The following FAM131B variants were observed in gnomAD, a reference collection of about 807,000 sequenced individuals.
FAM131B encodes family with sequence similarity 131 member B.
A neutral mutation model predicts 42.0 loss-of-function variants in FAM131B; 19 were observed. That is an observed-to-expected ratio of 0.45 (90% CI 0.32 to 0.66). FAM131B has a LOEUF of 0.66. Ranked by LOEUF, FAM131B falls within the 30% of genes least tolerant of loss-of-function variation. FAM131B has a pLI of 0.05. For missense variants in FAM131B, 370 were observed against 468.4 expected, an observed-to-expected ratio of 0.79 and a Z score of 1.94; for synonymous variants, 183 against 177.6, an observed-to-expected ratio of 1.03 and a Z score of -0.24.
At chr7:143,375,605 G>A in the FAM131B span, among the ~76,000 whole-genome samples, 1 of 152,150 alleles carries the variant, frequency 6.6e-6, no homozygotes, top group Non-Finnish European at 1.5e-5. Flanking sequence ...TCAGCCTAGT[G>A]GGTTTCTTTA....
upstream of FAM131B, chr7:143,362,765 T>TCGC (rs559900593): frequency 0.012 from 2,786 of 237,812 alleles, 33 homozygotes; most frequent in Admixed American, 0.017. This position sits in a 1 kb window ranked among gnomAD's most constrained non-coding sequence, Gnocchi z 7.7. Context: ...GGCAGCTCCG[T>TCGC]CGCCGCCGCC....
At chr7:143,370,349 G>A in the FAM131B span, among the ~76,000 whole-genome samples, 5 of 152,228 alleles carry the variant, frequency 3.3e-5, no homozygotes, top group South Asian at 6.2e-4. Flanking sequence ...CAGCTCACAC[G>A]GGGGGCTCCC....
the FAM131B span, chr7:143,381,631 C>T: frequency 6.2e-7 from 1 of 1,612,348 alleles, no homozygotes; most frequent in Non-Finnish European, 8.5e-7. Flanking sequence ...CGGCTTTTTA[C>T]GCCCCGCAGA....
At position 143,356,690 on chromosome 7, in the gene FAM131B, C is replaced by T. The variant is rs775178965; in HGVS notation, c.943G>A (p.Asp315Asn). Residue 315 changes from aspartate (D) to asparagine (N), a missense_variant, in exon 7 of 7, where the codon GAT (aspartate) becomes AAT (asparagine). Coordinates refer to ENST00000443739, the MANE Select transcript of FAM131B (RefSeq NM_001031690.3). The surrounding 1 kb of genome is among the most constrained non-coding windows in gnomAD (Gnocchi z 4.4). ...GACTCCAGGTCCCGGCATCCCGCAT[C>T]CTCTTCCTCCTCAGGTGCCAATGGC... ...KRPLAPEEEE[D>N]AGCRDLESLS... The T allele has an allele frequency of 1.2e-6, 2 of 1,614,158 alleles. No individual in the cohort carries two copies. Among genetic ancestry groups the T allele is most frequent in the Admixed American group, 3.3e-5 (2 of 60,020 alleles).
At chr7:143,369,559 T>C in the FAM131B span, among the ~76,000 whole-genome samples, 3 of 151,260 alleles carry the variant, frequency 2.0e-5, no homozygotes, top group Admixed American at 2.0e-4. Flanking sequence ...CCTGTAGTCC[T>C]AGCTACTCGG....
At chr7:143,365,326 C>T (rs572435402), upstream of FAM131B, among the ~76,000 whole-genome samples, 83 of 152,208 alleles carry the variant, frequency 5.5e-4, 1 homozygote, top group South Asian at 6.2e-4. Context: ...TCCCATCTGA[C>T]GGCATCTACT....
intron 1 of FAM131B, chr7:143,360,385 T>C (rs1803903893): frequency 2.9e-6 from 4 of 1,384,372 alleles, no homozygotes; most frequent in East Asian, 2.8e-5. Context: ...TTTGTTGTTG[T>C]TTATGTGGAG....
Position 143,358,809 on chromosome 7 carries a change from G to A in FAM131B, c.466+18C>T, listed in dbSNP as rs1563096012. 8.7e-6 allele frequency: 14 copies of A among 1,610,862 alleles called. No homozygotes were observed. Among genetic ancestry groups the A allele is most frequent in the Non-Finnish European group, 1.1e-5 (13 of 1,178,030 alleles). Reference sequence around the variant, plus strand: ...CCATCCTGCAAATGTGTCTCTTGAGGCTTTAGGGTACCTGTACCTGCTAGA... The same window carrying A: ...CCATCCTGCAAATGTGTCTCTTGAGACTTTAGGGTACCTGTACCTGCTAGA... On this transcript the variant is annotated intron_variant, in intron 5 of 6. Transcript: ENST00000443739. The surrounding 1 kb of genome is among the most constrained non-coding windows in gnomAD (Gnocchi z 4.7).
chr7:143,357,480 G>C, intron 5 of FAM131B, 57 bp from the exon 6 acceptor site: 1 of 1,528,716 alleles, frequency 6.5e-7, no homozygotes. Context: ...AGACATGTGC[G>C]TGGGGTAGGA....
chr7:143,359,194 C>T lies in FAM131B; in HGVS notation c.268+132G>A. 1 of 1,022,196 alleles carries T rather than the reference C, an allele frequency of 9.8e-7. No individual in the cohort carries two copies. Among genetic ancestry groups the T allele is most frequent in the Non-Finnish European group, 1.5e-6 (1 of 680,106 alleles). 63.3% of individuals were successfully genotyped at this position (1,022,196 alleles called of 1,614,324 possible). A position where few individuals can be genotyped will look rare whatever the true frequency, so the allele number is the denominator to read the frequency against. On this transcript the variant is annotated intron_variant, in intron 4 of 6. Transcript: ENST00000443739. The surrounding 1 kb of genome is among the most constrained non-coding windows in gnomAD (Gnocchi z 5.4). ...AGGGAATGGCCTGGAGGATGGGAGG[C>T]TTGACAGAAGGGTGAATAGGTCAGG...
rs983338269 is a variant in FAM131B, at chr7:143,353,531, A to G, written c.*3019T>C. 6.6e-6 allele frequency: 1 copy of G among 152,410 alleles called. No individual in the cohort carries two copies. Among genetic ancestry groups the G allele is most frequent in the Non-Finnish European group, 1.5e-5 (1 of 68,044 alleles). The allele number at this position is 152,410 out of a possible 1,614,324, so 9.4% of individuals were successfully genotyped here. A position where few individuals can be genotyped will look rare whatever the true frequency, so the allele number is the denominator to read the frequency against. ...GGACTGGCAGTGGGCATTTGAGCCC[A>G]TGCCCTTGTGTACATAATCTCTAAT... On this transcript the variant is annotated 3_prime_UTR_variant, in exon 7 of 7. Transcript: ENST00000443739.
chr7:143,357,241 T>C, intron 6 of FAM131B, 39 bp downstream of exon 6: 1 of 1,606,794 alleles, frequency 6.2e-7, no homozygotes, highest in Non-Finnish European at 8.5e-7. Flanking sequence ...TGGGGAGGCC[T>C]CATAGGCTCC....
At chr7:143,381,316 C>G in the FAM131B span, 1 of 1,120,808 alleles carries the variant, frequency 8.9e-7, no homozygotes, top group Non-Finnish European at 1.1e-6. Context: ...TCCCTCCCCG[C>G]CCGGCTGGAG....
chr7:143,354,433 G>C lies in FAM131B; in HGVS notation c.*2117C>G, dbSNP rs1803564494. 6.6e-6 allele frequency: 1 copy of C among 152,340 alleles called. No homozygotes were observed. Among genetic ancestry groups the C allele is most frequent in the African/African-American group, 2.4e-5 (1 of 41,428 alleles). The allele number at this position is 152,340 out of a possible 1,614,324, so 9.4% of individuals were successfully genotyped here. On this transcript the variant is annotated 3_prime_UTR_variant, in exon 7 of 7. Coordinates refer to ENST00000443739, the MANE Select transcript of FAM131B (RefSeq NM_001031690.3). Reference sequence around the variant, plus strand: ...GGTCTGGGGGTATGATATGGGCACTGAGAGGATGAGACGACAGGAAGAGGT... The same window carrying C: ...GGTCTGGGGGTATGATATGGGCACTCAGAGGATGAGACGACAGGAAGAGGT...
intron 5 of FAM131B, among the ~76,000 whole-genome samples, chr7:143,357,694 C>T (rs1051767361): frequency 2.0e-5 from 3 of 152,120 alleles, no homozygotes; most frequent in African/African-American, 7.2e-5. Context: ...ATTTTACATT[C>T]TTTTATTTAT....
At chr7:143,382,302 C>T in the FAM131B span, 4 of 1,611,800 alleles carry the variant, frequency 2.5e-6, no homozygotes, top group Middle Eastern at 1.7e-4. Flanking sequence ...GCAGAGGGTG[C>T]TCTGGGAGGT....
the FAM131B span, chr7:143,381,047 G>A: frequency 3.2e-6 from 1 of 309,164 alleles, no homozygotes; most frequent in Non-Finnish European, 4.7e-6. Flanking sequence ...GTCAGGAAAT[G>A]ACATCAGAGG....
the FAM131B span, chr7:143,382,292 G>A: frequency 6.2e-7 from 1 of 1,612,746 alleles, no homozygotes; most frequent in Non-Finnish European, 8.5e-7. Flanking sequence ...TGGCGACGAT[G>A]CAGAGGGTGC....
At chr7:143,381,247 G>A in the FAM131B span, 2 of 1,027,498 alleles carry the variant, frequency 1.9e-6, no homozygotes, top group Non-Finnish European at 2.3e-6. Context: ...CTCCTTGTAT[G>A]GTCTGGGCGC....
Sources: allele counts gnomAD v4.1 joint callset (sites outside exome capture counted in the v4.1 genomes callset), GRCh38; gene constraint gnomAD v4.1.1; non-coding constraint Gnocchi (gnomAD v3.1); transcripts MANE v1.5; gene names NCBI Gene and HGNC (gene_info 2026-07-23, HGNC 2026-07-21).